HPGDS: variants seen among roughly 807,000 people sequenced by gnomAD.
The protein encoded by HPGDS is GST class-sigma.
HPGDS carries 26 observed loss-of-function variants against 23.1 expected under a neutral mutation model. The ratio of observed to expected loss-of-function variants is 1.13; its 90% CI spans 0.83 to 1.56. The LOEUF is 1.56. Ranked by LOEUF, HPGDS falls within the 40% of genes most tolerant of loss-of-function variation. HPGDS has a pLI of 0.00. For synonymous variants in HPGDS, 95 were observed against 77.9 expected (o/e 1.22, Z -1.16); for missense variants, 268 against 236.4 (o/e 1.13, Z -0.88).
chr4:94,322,934 A>T (rs1429124684), intron 2 of HPGDS, among the ~76,000 whole-genome samples: 1 of 152,170 alleles, frequency 6.6e-6, no homozygotes, highest in East Asian at 1.9e-4. Context: ...ACTGCTTTAA[A>T]TGTATCCCAG....
intron 2 of HPGDS, among the ~76,000 whole-genome samples, chr4:94,321,925 TG>T (rs1756517677): frequency 6.6e-6 from 1 of 151,904 alleles, no homozygotes; most frequent in South Asian, 2.1e-4. Flanking sequence ...CTTATTATTT[TG>T]AGATACATCC....
At chr4:94,320,598 T>G (rs1756486069) in intron 2 of HPGDS, among the ~76,000 whole-genome samples, 1 of 152,208 alleles carries the variant, frequency 6.6e-6, no homozygotes, top group Admixed American at 6.5e-5. Flanking sequence ...CGCCCACTTT[T>G]TGATGGGGTT....
chr4:94,340,311 C>CTTTTTTTCTTT (rs1721128236), intron 1 of HPGDS, among the ~76,000 whole-genome samples: 1 of 23,678 alleles, frequency 4.2e-5, no homozygotes, highest in African/African-American at 1.5e-4. Context: ...CTTTCTTTCT[C>CTTTTTTTCTTT]TTTTTTTTTT....
chr4:94,303,238 A>G lies in HPGDS; in HGVS notation c.337-994T>C, dbSNP rs144569093. On this transcript the variant is annotated intron_variant, in intron 4 of 5. Transcript: ENST00000295256. ...ACAATTTGCAAAAGCATCCTTACAT[A>G]CAGGTTGAGCCTCCCTAGTCCAAAA... 7.5e-3 allele frequency among the ~76,000 whole-genome samples: 1,139 copies of G among 152,232 alleles called. 7 individuals carry two copies. The highest frequency in any genetic ancestry group is 0.026 in the African/African-American group (1,063 of 41,550).
At position 94,299,577 on chromosome 4, in the gene HPGDS, A is replaced by C; in HGVS notation, c.503T>G (p.Leu168Ter). The change falls in exon 6 of 6, where the codon TTA becomes TGA. Residue 168 changes from leucine to a stop codon, truncating the protein, a stop_gained. Transcript: ENST00000295256. LOFTEE classifies it high-confidence loss of function. Reference sequence around the variant, plus strand: ...AGTCACCAGCCTTGGATGGTTGTCTAACAGGTCAGGCTTAAAGACCAAAAG... The same window carrying C: ...AGTCACCAGCCTTGGATGGTTGTCTCACAGGTCAGGCTTAAAGACCAAAAG... ...TTLLVFKPDL[L>*]DNHPRLVTLR... 1.2e-6 allele frequency: 2 copies of C among 1,614,144 alleles called. No individual in the cohort carries two copies. Among genetic ancestry groups the C allele is most frequent in the Non-Finnish European group, 1.7e-6 (2 of 1,180,010 alleles).
Position 94,334,591 on chromosome 4 carries a change from C to A in HPGDS, c.39G>T (p.Gly13=), listed in dbSNP as rs1200946898. ...ATATGTAACGAATAATTTCTGCTCT[C>A]CCCCTCATATTAAAATAAGTGAGTT... ...NYKLTYFNMR[G]RAEIIRYIFA... The change falls in exon 2 of 6, where the codon GGG becomes GGT. Residue 13 remains glycine, a synonymous_variant. Coordinates refer to ENST00000295256, the MANE Select transcript of HPGDS (RefSeq NM_014485.3). The A allele has an allele frequency of 6.2e-7, 1 of 1,613,048 alleles. No individual in the cohort carries two copies. Among genetic ancestry groups the A allele is most frequent in the Non-Finnish European group, 8.5e-7 (1 of 1,179,496 alleles).
intron 4 of HPGDS, among the ~76,000 whole-genome samples, chr4:94,307,343 T>A (rs1255940670): frequency 4.0e-5 from 6 of 150,266 alleles, no homozygotes; most frequent in African/African-American, 1.5e-4. Flanking sequence ...ATAATAAAGA[T>A]CTCAGGATGA....
chr4:94,313,362 G>A (rs138210339), intron 3 of HPGDS, among the ~76,000 whole-genome samples: 1 of 152,122 alleles, frequency 6.6e-6, no homozygotes, highest in Non-Finnish European at 1.5e-5. Context: ...GCATTTGCTT[G>A]TCTGGAAAGG....
At chr4:94,300,624 C>T (rs1186573564) in intron 5 of HPGDS, among the ~76,000 whole-genome samples, 2 of 152,066 alleles carry the variant, frequency 1.3e-5, no homozygotes, top group Non-Finnish European at 2.9e-5. Flanking sequence ...TGTGCCATGC[C>T]CAGGTTTAGG....
At chr4:94,340,311 C>CTTTTCTTTTTTTTT (rs1721126934) in intron 1 of HPGDS, among the ~76,000 whole-genome samples, 2 of 23,678 alleles carry the variant, frequency 8.4e-5, no homozygotes, top group Non-Finnish European at 8.7e-5. Flanking sequence ...CTTTCTTTCT[C>CTTTTCTTTTTTTTT]TTTTTTTTTT....
intron 1 of HPGDS, among the ~76,000 whole-genome samples, chr4:94,340,462 C>G (rs1721137930): frequency 6.8e-6 from 1 of 146,294 alleles, no homozygotes; most frequent in Non-Finnish European, 1.5e-5. Flanking sequence ...CCTCAGCTTC[C>G]CGAGTAGCTG....
intron 4 of HPGDS, among the ~76,000 whole-genome samples, chr4:94,307,711 T>C (rs914157983): frequency 2.0e-5 from 3 of 152,160 alleles, no homozygotes; most frequent in African/African-American, 7.2e-5. Flanking sequence ...ACGTTGACCT[T>C]GTGGAAAATC....
intron 2 of HPGDS, among the ~76,000 whole-genome samples, chr4:94,321,220 T>G (rs963877574): frequency 4.3e-4 from 66 of 152,172 alleles, no homozygotes; most frequent in African/African-American, 1.4e-3. Context: ...TTGTTCTTTT[T>G]GCTTAGGATT....
chr4:94,336,513 T>C (rs1721015503), intron 1 of HPGDS, among the ~76,000 whole-genome samples: 1 of 152,190 alleles, frequency 6.6e-6, no homozygotes, highest in Admixed American at 6.5e-5. Flanking sequence ...CCAGTTTGCA[T>C]CAGCCAGTCC....
intron 2 of HPGDS, among the ~76,000 whole-genome samples, chr4:94,321,732 C>A (rs1286327913): frequency 1.3e-5 from 2 of 152,118 alleles, no homozygotes; most frequent in African/African-American, 4.8e-5. Context: ...GACTTCCTCT[C>A]TTCCTAATTG....
chr4:94,340,301 C>CTCTTTTTTT (rs1721118316), intron 1 of HPGDS, among the ~76,000 whole-genome samples: 1 of 32,172 alleles, frequency 3.1e-5, no homozygotes, highest in Non-Finnish European at 6.2e-5. Context: ...TTCTTTCTTT[C>CTCTTTTTTT]TTTCTTTCTC....
At chr4:94,327,148 C>T (rs1756646647) in intron 2 of HPGDS, among the ~76,000 whole-genome samples, 2 of 151,928 alleles carry the variant, frequency 1.3e-5, no homozygotes, top group South Asian at 2.1e-4. Flanking sequence ...TGCACTGGTA[C>T]CAGCAGTGCT....
At chr4:94,341,136 A>C (rs1378949959) in intron 1 of HPGDS, among the ~76,000 whole-genome samples, 1 of 152,036 alleles carries the variant, frequency 6.6e-6, no homozygotes, top group Non-Finnish European at 1.5e-5. Flanking sequence ...TCGCCCGGCC[A>C]AACTTTTTTT....
At chr4:94,340,373 C>T (rs1440534238) in intron 1 of HPGDS, among the ~76,000 whole-genome samples, 1 of 85,060 alleles carries the variant, frequency 1.2e-5, no homozygotes, top group African/African-American at 4.1e-5. Flanking sequence ...GAGTCTCTCT[C>T]TGTCGCCCAG....
Sources: allele counts gnomAD v4.1 joint callset (sites outside exome capture counted in the v4.1 genomes callset), GRCh38; gene constraint gnomAD v4.1.1; transcripts MANE v1.5; gene names NCBI Gene and HGNC (gene_info 2026-07-23, HGNC 2026-07-21).